Variants in FLYWCH1 observed in about 807,000 individuals in gnomAD.
FLYWCH1 encodes the protein FLYWCH-type zinc finger-containing protein 1.
A neutral mutation model predicts 66.4 loss-of-function variants in FLYWCH1; 75 were observed. The ratio of observed to expected loss-of-function variants is 1.13; its 90% CI spans 0.94 to 1.37. The LOEUF (loss-of-function observed/expected upper bound fraction) is 1.37, where lower values mean the gene tolerates loss of function less well. Ranked by LOEUF, FLYWCH1 falls within the 40% of genes most tolerant of loss-of-function variation. The pLI is 0.00. For missense variants in FLYWCH1, 1,334 were observed against 1,001.8 expected, an observed-to-expected ratio of 1.33 and a Z score of -4.48; for synonymous variants, 595 against 429.9, an observed-to-expected ratio of 1.38 and a Z score of -4.75.
chr16:2,934,402 G>A (rs73484945), intron 6 of FLYWCH1, among the ~76,000 whole-genome samples: 110 of 152,242 alleles, frequency 7.2e-4, no homozygotes, highest in African/African-American at 2.4e-3. Context: ...TTCTCCTCTC[G>A]GCCCGCTGTT....
intron 6 of FLYWCH1, among the ~76,000 whole-genome samples, chr16:2,934,440 G>A (rs1056758725): frequency 3.9e-5 from 6 of 152,176 alleles, no homozygotes; most frequent in Non-Finnish European, 5.9e-5. Context: ...GTCCTGAAAC[G>A]CTGGCCCGAG....
Position 2,933,774 on chromosome 16 carries a change from C to T in FLYWCH1, c.1308C>T (p.Phe436=), listed in dbSNP as rs774174319. The change falls in exon 6 of 10, where the codon TTC becomes TTT. Residue 436 remains phenylalanine (F), a synonymous_variant. Coordinates refer to ENST00000253928, the MANE Select transcript of FLYWCH1 (RefSeq NM_001308068.2). ...LGGSFLVYES[F]LYRREKAAGE... The stretch of plus-strand genomic sequence containing the variant: ...GCAGCTTCCTGGTGTACGAGTCCTT[C>T]CTCTACCGGCGGGAGAAGGCGGCTG... The T allele has an allele frequency of 1.3e-5, 21 of 1,613,034 alleles. No homozygotes were observed. The highest frequency in any genetic ancestry group is 1.8e-5 in the Non-Finnish European group (21 of 1,179,660).
intron 1 of FLYWCH1, among the ~76,000 whole-genome samples, chr16:2,912,816 G>A (rs568176752): frequency 1.3e-5 from 2 of 152,296 alleles, no homozygotes; most frequent in African/African-American, 4.8e-5. Flanking sequence ...AACCCTGCCT[G>A]TTGTTCCTTT....
At chr16:2,913,641 A>G (rs1290394408) in intron 1 of FLYWCH1, among the ~76,000 whole-genome samples, 1 of 152,200 alleles carries the variant, frequency 6.6e-6, no homozygotes, top group East Asian at 1.9e-4. Context: ...CAAAATGCCA[A>G]CGGTGCTGAG....
chr16:2,944,196 G>A lies in FLYWCH1; in HGVS notation c.2111+4104G>A, dbSNP rs140170790. Among the ~76,000 whole-genome samples, 888 of 151,968 alleles carry A rather than the reference G, an allele frequency of 5.8e-3. 2 individuals carry two copies. The highest frequency in any genetic ancestry group is 0.011 in the Non-Finnish European group (730 of 67,962). ...GAGGTCAGGAATTCCAGACCAGCCT[G>A]GGGAACATGGAGAAACTCCGTCTCT... is the stretch of plus-strand genomic sequence containing the variant. On this transcript the variant is annotated intron_variant, in intron 9 of 9. Transcript: ENST00000253928.
chr16:2,913,326 G>C (rs1434883589), intron 1 of FLYWCH1: 1 of 152,180 alleles, frequency 6.6e-6, no homozygotes, highest in East Asian at 1.9e-4. Flanking sequence ...GAGGGAGAGA[G>C]ATTTGAGGAT....
intron 1 of FLYWCH1, chr16:2,912,978 A>AT (rs2070042863): frequency 6.6e-6 from 1 of 152,200 alleles, no homozygotes; most frequent in African/African-American, 2.4e-5. Flanking sequence ...GTGTGATTAT[A>AT]TCATGTTTCT....
intron 4 of FLYWCH1, among the ~76,000 whole-genome samples, chr16:2,931,227 C>G (rs1021344259): frequency 6.7e-6 from 1 of 150,014 alleles, no homozygotes; most frequent in Non-Finnish European, 1.5e-5. Flanking sequence ...CGCTTGAACC[C>G]AGGAGGCAGA....
chr16:2,931,293 A>T (rs2070753267), intron 4 of FLYWCH1, among the ~76,000 whole-genome samples: 1 of 132,954 alleles, frequency 7.5e-6, no homozygotes, highest in Non-Finnish European at 1.6e-5. Context: ...CTGGAGCGAG[A>T]CTCCATCTCA....
chr16:2,933,610 G>T (rs181022007), intron 5 of FLYWCH1, 28 bp downstream of exon 5: 12 of 1,567,246 alleles, frequency 7.7e-6, no homozygotes, highest in African/African-American at 1.4e-5. Context: ...GGGGCTCACC[G>T]GCCCTGCCTT....
At chr16:2,943,970 G>A (rs1318703075) in intron 9 of FLYWCH1, among the ~76,000 whole-genome samples, 1 of 152,026 alleles carries the variant, frequency 6.6e-6, no homozygotes, top group African/African-American at 2.4e-5. Flanking sequence ...TGTGTGTGGT[G>A]GTACATGCCC....
In FLYWCH1 at chr16:2,937,396, G is replaced by T; in HGVS notation, c.1777+12G>T. On this transcript the variant is annotated intron_variant, in intron 7 of 9. Coordinates refer to ENST00000253928, the MANE Select transcript of FLYWCH1 (RefSeq NM_001308068.2). ...GTGGGACAGCCCAGGTGCGTGTGGA[G>T]GGTGCTGGGCTGGGTCTGCCTGGTC... is the stretch of plus-strand genomic sequence containing the variant. 6.5e-7 allele frequency: 1 copy of T among 1,536,856 alleles called. No homozygotes were observed. The highest frequency in any genetic ancestry group is 2.3e-5 in the East Asian group (1 of 44,074).
chr16:2,916,692 G>A (rs780971695), intron 2 of FLYWCH1, among the ~76,000 whole-genome samples: 3 of 152,068 alleles, frequency 2.0e-5, no homozygotes, highest in South Asian at 4.1e-4. Context: ...TTAAAAATTC[G>A]TTGTTTGATA....
Position 2,919,521 on chromosome 16 carries a change from G to C in FLYWCH1, c.-74+5232G>C, listed in dbSNP as rs1211470006. ...CCTCGTGATCCGCCTGCCTTGGCCT[G>C]CCGAAGTGCTGGGATTACAGGCGTG... On this transcript the variant is annotated intron_variant, in intron 2 of 9. Transcript: ENST00000253928. Among the ~76,000 whole-genome samples the C allele has an allele frequency of 2.0e-5, 3 of 150,358 alleles. No homozygotes were observed. In the East Asian group the frequency reaches 6.0e-4, roughly 30 times the overall value.
intron 2 of FLYWCH1, among the ~76,000 whole-genome samples, chr16:2,924,105 C>G (rs947889271): frequency 2.0e-5 from 3 of 151,796 alleles, no homozygotes; most frequent in African/African-American, 7.3e-5. Flanking sequence ...CCGAGGCAGG[C>G]GGATCACGAG....
intron 1 of FLYWCH1, chr16:2,912,857 G>C (rs1186173910): frequency 6.6e-6 from 1 of 152,152 alleles, no homozygotes; most frequent in Non-Finnish European, 1.5e-5. Flanking sequence ...AACTCCCATA[G>C]TCAGATAATC....
At chr16:2,937,935 T>C (rs1238178471) in intron 7 of FLYWCH1, among the ~76,000 whole-genome samples, 1 of 152,086 alleles carries the variant, frequency 6.6e-6, no homozygotes, top group Non-Finnish European at 1.5e-5. Flanking sequence ...GGGAGAGTCC[T>C]TCAGGAGCAT....
intron 5 of FLYWCH1, 45 bp downstream of exon 5, chr16:2,933,627 T>C (rs2150964471): frequency 1.3e-6 from 2 of 1,563,348 alleles, no homozygotes; most frequent in African/African-American, 2.7e-5. Context: ...CCTTGACTCT[T>C]GCCTCCAGAG....
intron 9 of FLYWCH1, among the ~76,000 whole-genome samples, chr16:2,945,735 T>A (rs150646262): frequency 6.6e-6 from 1 of 151,372 alleles, no homozygotes; most frequent in Non-Finnish European, 1.5e-5. Context: ...CGGTGGCTCA[T>A]GCCTGTAATC....
Sources: gnomAD v4.1 joint callset for allele counts (sites outside exome capture counted in the v4.1 genomes callset) on GRCh38, gnomAD v4.1.1 for gene constraint, MANE v1.5 for transcripts, NCBI Gene and HGNC (gene_info 2026-07-23, HGNC 2026-07-21) for gene names.